Variants in WASL observed in about 807,000 individuals in gnomAD.
The protein encoded by WASL is WASP like actin nucleation promoting factor.
Under a neutral mutation model 55.5 loss-of-function variants are expected in WASL, and 20 were observed. That is an observed-to-expected ratio of 0.36 (90% confidence interval 0.25 to 0.52). WASL has a LOEUF of 0.52. Ranked by LOEUF, WASL falls within the 20% of genes least tolerant of loss-of-function variation. WASL has a pLI of 0.92. For missense variants in WASL, 504 were observed against 622.5 expected, an observed-to-expected ratio of 0.81 and a Z score of 2.03; for synonymous variants, 249 against 217.6, an observed-to-expected ratio of 1.14 and a Z score of -1.27.
intron 1 of WASL, among the ~76,000 whole-genome samples, chr7:123,745,733 AC>A (rs1402849174): frequency 6.6e-6 from 1 of 152,000 alleles, no homozygotes; most frequent in Non-Finnish European, 1.5e-5. Context: ...CATAATCTCC[AC>A]AATGATTCCA....
chr7:123,725,600 T>C (rs1804028708), intron 1 of WASL, among the ~76,000 whole-genome samples: 1 of 152,130 alleles, frequency 6.6e-6, no homozygotes, highest in East Asian at 1.9e-4. Flanking sequence ...CTGATACTTG[T>C]ATCAGGCAGA....
Position 123,685,805 on chromosome 7 carries a change from A to G in WASL, c.1457-1225T>C, listed in dbSNP as rs138147446. On this transcript the variant is annotated intron_variant, in intron 10 of 10. Transcript: ENST00000223023. ...CCATATTTAACCTCTTCATATATCT[A>G]TATATAAAATATGTATAAATATATA... Among the ~76,000 whole-genome samples, 760 of 149,008 alleles carry G rather than the reference A, an allele frequency of 5.1e-3. 7 individuals carry two copies. The highest frequency in any genetic ancestry group is 0.018 in the African/African-American group (731 of 41,008).
intron 1 of WASL, among the ~76,000 whole-genome samples, chr7:123,726,770 G>A (rs1164265315): frequency 2.0e-5 from 3 of 152,112 alleles, no homozygotes; most frequent in Non-Finnish European, 4.4e-5. Context: ...GGAGGTTGAA[G>A]CAAGAGAATC....
chr7:123,748,049 T>G (rs546131853), intron 1 of WASL, among the ~76,000 whole-genome samples: 31 of 152,012 alleles, frequency 2.0e-4, no homozygotes, highest in Non-Finnish European at 2.2e-4. Flanking sequence ...GAAATAAATC[T>G]TGTTTCTCTT....
At chr7:123,709,003 T>C in intron 2 of WASL, 86 bp downstream of exon 2, 1 of 1,282,618 alleles carries the variant, frequency 7.8e-7, no homozygotes, top group Non-Finnish European at 1.0e-6. Flanking sequence ...AAATATCACA[T>C]ATAGGATAAA....
chr7:123,697,244 T>A (rs1803508007), intron 5 of WASL, among the ~76,000 whole-genome samples: 1 of 152,138 alleles, frequency 6.6e-6, no homozygotes, highest in South Asian at 2.1e-4. Flanking sequence ...TTTCCAGAAC[T>A]GGCATCCTTA....
At chr7:123,741,730 A>C (rs12706552) in intron 1 of WASL, among the ~76,000 whole-genome samples, 7,422 of 152,266 alleles carry the variant, frequency 0.049, 293 homozygotes, top group Non-Finnish European at 0.072. Context: ...TTTCCTTAGG[A>C]AAGTTTTGCT....
intron 1 of WASL, among the ~76,000 whole-genome samples, chr7:123,731,794 A>ATT (rs1354864947): frequency 1.3e-5 from 2 of 152,238 alleles, no homozygotes; most frequent in Admixed American, 6.5e-5. Context: ...AAAAGCAGAA[A>ATT]TGTGCTAGAA....
intron 1 of WASL, among the ~76,000 whole-genome samples, chr7:123,729,405 T>C (rs902239864): frequency 6.6e-6 from 1 of 152,156 alleles, no homozygotes; most frequent in Admixed American, 6.6e-5. Context: ...GACTAAGTCT[T>C]TAATAATCAG....
intron 1 of WASL, among the ~76,000 whole-genome samples, chr7:123,719,344 CA>C (rs1803897930): frequency 6.6e-6 from 1 of 152,182 alleles, no homozygotes; most frequent in African/African-American, 2.4e-5. Flanking sequence ...TGTCGAAATC[CA>C]TGCTCCCAAA....
At chr7:123,693,869 G>A (rs1249323747) in intron 8 of WASL, among the ~76,000 whole-genome samples, 3 of 152,174 alleles carry the variant, frequency 2.0e-5, no homozygotes, top group African/African-American at 7.2e-5. Context: ...GGGTGGCTGA[G>A]GCATGAGAAT....
intron 1 of WASL, among the ~76,000 whole-genome samples, chr7:123,735,381 GA>G (rs35321552): frequency 2.5e-4 from 34 of 135,774 alleles, no homozygotes; most frequent in African/African-American, 3.5e-4. Context: ...AAAAATGCAG[GA>G]AAAAAAAAAA....
chr7:123,726,374 A>G (rs541442200), intron 1 of WASL, among the ~76,000 whole-genome samples: 2 of 152,338 alleles, frequency 1.3e-5, no homozygotes, highest in South Asian at 4.1e-4. Flanking sequence ...ATATAACACA[A>G]AAAATTTGAG....
Position 123,748,878 on chromosome 7 carries a change from C to A in WASL, c.-144G>T. The A allele has an allele frequency of 1.5e-6, 1 of 663,694 alleles. No homozygotes were observed. Among genetic ancestry groups the A allele is most frequent in the Non-Finnish European group, 2.4e-6 (1 of 410,082 alleles). The allele number at this position is 663,694 out of a possible 1,614,324, so 41.1% of individuals were successfully genotyped here. A position where few individuals can be genotyped will look rare whatever the true frequency, so the allele number is the denominator to read the frequency against. ...AGCTCCTCCGGAGCGGGGAGGAGGA[C>A]GAGGTCGAGGGAAGCAGGCGCTGAC... On this transcript the variant is annotated 5_prime_UTR_variant, in exon 1 of 11. Transcript: ENST00000223023.
At chr7:123,746,194 C>T (rs1385081975) in intron 1 of WASL, among the ~76,000 whole-genome samples, 5 of 152,204 alleles carry the variant, frequency 3.3e-5, no homozygotes, top group East Asian at 1.9e-4. Flanking sequence ...TCAGTTTACA[C>T]GTTTCCCTTT....
intron 1 of WASL, among the ~76,000 whole-genome samples, chr7:123,734,226 T>C (rs1030805724): frequency 7.9e-5 from 12 of 151,934 alleles, no homozygotes; most frequent in Non-Finnish European, 1.8e-4. Flanking sequence ...AAAATACATG[T>C]GAAACACACA....
chr7:123,721,774 G>A (rs1335700707), intron 1 of WASL, among the ~76,000 whole-genome samples: 10 of 152,164 alleles, frequency 6.6e-5, no homozygotes, highest in African/African-American at 1.4e-4. Context: ...TTGGTCAGGC[G>A]TGGTGGCGGG....
chr7:123,688,993 GCA>G, intron 10 of WASL, 47 bp downstream of exon 10: 1 of 1,429,978 alleles, frequency 7.0e-7, no homozygotes. Flanking sequence ...AAACACACAC[GCA>G]CACTCTCTCT....
chr7:123,733,949 T>C (rs1804184083), intron 1 of WASL, among the ~76,000 whole-genome samples: 1 of 147,164 alleles, frequency 6.8e-6, no homozygotes, highest in South Asian at 2.1e-4. Context: ...ATCCAGGCAC[T>C]GACCTTATGA....
Sources: gnomAD v4.1 joint callset for allele counts (sites outside exome capture counted in the v4.1 genomes callset) on GRCh38, gnomAD v4.1.1 for gene constraint, MANE v1.5 for transcripts, NCBI Gene and HGNC (gene_info 2026-07-23, HGNC 2026-07-21) for gene names.